Variants in SMPD3 observed in about 807,000 individuals in gnomAD.
The protein encoded by SMPD3 is sphingomyelin phosphodiesterase 3, also known as nSMase-2.
A neutral mutation model predicts 55.7 loss-of-function variants in SMPD3; 21 were observed. The ratio of observed to expected loss-of-function variants is 0.38; its 90% confidence interval spans 0.27 to 0.54. The LOEUF is 0.54. SMPD3 is among the 20% of genes least tolerant of loss of function. The pLI is 0.80. For synonymous variants in SMPD3, 457 were observed against 404.3 expected, an observed-to-expected ratio of 1.13 and a Z score of -1.56; for missense variants, 842 against 899.6, an observed-to-expected ratio of 0.94 and a Z score of 0.82.
intron 3 of SMPD3, among the ~76,000 whole-genome samples, chr16:68,367,094 G>C (rs2089503553): frequency 6.6e-6 from 1 of 152,158 alleles, no homozygotes; most frequent in South Asian, 2.1e-4. Flanking sequence ...CTTGGACCTG[G>C]GGGGCGGAGG....
chr16:68,378,775 C>G (rs929714021), intron 2 of SMPD3, among the ~76,000 whole-genome samples: 1 of 152,218 alleles, frequency 6.6e-6, no homozygotes. Flanking sequence ...TAAGCTCTCC[C>G]TGGAACCCTT....
intron 4 of SMPD3, 29 bp from the exon 5 acceptor site, chr16:68,364,935 G>T: frequency 6.2e-7 from 1 of 1,612,850 alleles, no homozygotes; most frequent in East Asian, 2.2e-5. Context: ...GAGACTGGAT[G>T]ATGAAGTTCG....
intron 8 of SMPD3, 80 bp from the exon 9 acceptor site, chr16:68,361,387 A>G (rs1202780596): frequency 2.7e-6 from 4 of 1,472,262 alleles, no homozygotes; most frequent in African/African-American, 1.4e-5. Flanking sequence ...GGGATCCCCA[A>G]AGTGAGGCCC....
rs2089278722 is a variant in SMPD3 at position 68,361,728 on chromosome 16, A to G, written c.1741T>C (p.Tyr581His). The G allele has an allele frequency of 1.2e-6, 2 of 1,612,526 alleles. No homozygotes were observed. Among genetic ancestry groups the G allele is most frequent in the Non-Finnish European group, 1.7e-6 (2 of 1,179,902 alleles). Residue 581 changes from tyrosine (Y) to histidine (H), a missense_variant, in exon 8 of 9, where the codon TAC (tyrosine) becomes CAC (histidine). Around this residue, in one of 2 missense-constraint regions of SMPD3, gnomAD observed 649 missense variants for 643.6 expected, o/e 1.01. Coordinates refer to ENST00000219334, the MANE Select transcript of SMPD3 (RefSeq NM_018667.4). ...VLESEEGRRE[Y>H]LAFPTSKSSG... is the part of the protein sequence containing the mutation. The stretch of plus-strand genomic sequence containing the variant: ...CTCTTGCTGGTGGGAAACGCCAGGT[A>G]CTCCCTGCGGCCCTCCTCACTCTCC...
At position 68,447,511 on chromosome 16, in the gene SMPD3, G is replaced by A. The variant is rs1008901565; in HGVS notation, c.-269+842C>T. ...GGAGATAAGGCCCAGGTGGGGAGAG[G>A]TGGGGAGGGGTCCCTCCTGTCCTCG... On this transcript the variant is annotated intron_variant, in intron 1 of 8. Coordinates refer to ENST00000219334, the MANE Select transcript of SMPD3 (RefSeq NM_018667.4). The surrounding 1 kb of genome is among the most constrained non-coding windows in gnomAD (Gnocchi z 5.1). 1.3e-5 allele frequency among the ~76,000 whole-genome samples: 2 copies of A among 152,022 alleles called. No individual in the cohort carries two copies. Among genetic ancestry groups the A allele is most frequent in the African/African-American group, 4.8e-5 (2 of 41,398 alleles).
At chr16:68,426,992 T>TG (rs1491427600) in intron 1 of SMPD3, among the ~76,000 whole-genome samples, 9 of 77,080 alleles carry the variant, frequency 1.2e-4, no homozygotes, top group African/African-American at 3.3e-4. Flanking sequence ...CAGGTCTATC[T>TG]TTTTTTTTTT....
At chr16:68,435,823 T>C (rs1001794799) in intron 1 of SMPD3, among the ~76,000 whole-genome samples, 2 of 152,234 alleles carry the variant, frequency 1.3e-5, no homozygotes, top group East Asian at 3.8e-4. Context: ...GTGTGTGCAC[T>C]GGTCAGTGCT....
intron 1 of SMPD3, among the ~76,000 whole-genome samples, chr16:68,428,845 T>C (rs1248361755): frequency 6.6e-6 from 1 of 152,130 alleles, no homozygotes; most frequent in Non-Finnish European, 1.5e-5. Flanking sequence ...CAGCAGCGTG[T>C]GCAGAGAGCC....
chr16:68,436,218 T>C lies in SMPD3; in HGVS notation c.-269+12135A>G, dbSNP rs1015826009. 2.0e-5 allele frequency among the ~76,000 whole-genome samples: 3 copies of C among 152,216 alleles called. No individual in the cohort carries two copies. In the South Asian group the frequency reaches 6.2e-4, roughly 32 times the overall value. The stretch of plus-strand genomic sequence containing the variant: ...AGGTGATATATCCAAGTTCATGCAA[T>C]AGAACAATCTGAATTCCTTACAGCA... On this transcript the variant is annotated intron_variant, in intron 1 of 8. Transcript: ENST00000219334.
chr16:68,393,608 G>A (rs1210285345), intron 1 of SMPD3, among the ~76,000 whole-genome samples: 1 of 152,182 alleles, frequency 6.6e-6, no homozygotes, highest in Non-Finnish European at 1.5e-5. Context: ...TCAGAGTTGA[G>A]GTCTGGATTG....
intron 1 of SMPD3, among the ~76,000 whole-genome samples, chr16:68,410,126 AGCT>A (rs1336187087): frequency 1.3e-5 from 2 of 152,202 alleles, no homozygotes; most frequent in African/African-American, 4.8e-5. Flanking sequence ...CCTTGTCTCC[AGCT>A]CCACCGCAAG....
rs186625812 is a variant in SMPD3, at chr16:68,447,599, G to C, written c.-269+754C>G. Among the ~76,000 whole-genome samples the C allele has an allele frequency of 6.6e-6, 1 of 152,184 alleles. No individual in the cohort carries two copies. The highest frequency in any genetic ancestry group is 6.5e-5 in the Admixed American group (1 of 15,304). ...CAACCCTCGGCGCGGGCCCGAGCGC[G>C]GGGGATTCCGAGTGTCAGTGCTTTC... On this transcript the variant is annotated intron_variant, in intron 1 of 8. Coordinates refer to ENST00000219334, the MANE Select transcript of SMPD3 (RefSeq NM_018667.4). The surrounding 1 kb of genome is among the most constrained non-coding windows in gnomAD (Gnocchi z 5.1).
chr16:68,399,811 C>T (rs1418522426), intron 1 of SMPD3, among the ~76,000 whole-genome samples: 1 of 152,212 alleles, frequency 6.6e-6, no homozygotes, highest in Admixed American at 6.5e-5. Flanking sequence ...GTGATCATGT[C>T]CAGAGAGGAG....
chr16:68,419,982 CTT>C (rs34861442), intron 1 of SMPD3, among the ~76,000 whole-genome samples: 100,414 of 140,160 alleles, frequency 0.72, 35,942 homozygotes, highest in East Asian at 0.86. Context: ...ATAGCTATTG[CTT>C]TTTTTTTTTT....
intron 7 of SMPD3, 39 bp from the exon 8 acceptor site, chr16:68,361,798 C>A: frequency 6.2e-7 from 1 of 1,602,402 alleles, no homozygotes; most frequent in Non-Finnish European, 8.5e-7. Flanking sequence ...CCCCCATGCC[C>A]GCCCCTGTGG....
At chr16:68,399,665 G>A (rs1031636781) in intron 1 of SMPD3, among the ~76,000 whole-genome samples, 4 of 152,180 alleles carry the variant, frequency 2.6e-5, no homozygotes, top group Non-Finnish European at 4.4e-5. Flanking sequence ...AAGAATGATG[G>A]TCAGACCCCC....
intron 5 of SMPD3, chr16:68,364,531 T>G: frequency 1.8e-6 from 1 of 568,230 alleles, no homozygotes; most frequent in Non-Finnish European, 3.0e-6. Flanking sequence ...CAGAGGTTCG[T>G]TTTTAGGGCA....
chr16:68,415,983 T>A (rs747413495), intron 1 of SMPD3, among the ~76,000 whole-genome samples: 20 of 152,194 alleles, frequency 1.3e-4, no homozygotes, highest in Non-Finnish European at 2.6e-4. Context: ...AATGATTGAT[T>A]ATCCATTAGG....
At chr16:68,442,451 G>A (rs1000511557) in intron 1 of SMPD3, among the ~76,000 whole-genome samples, 12 of 152,104 alleles carry the variant, frequency 7.9e-5, no homozygotes, top group African/African-American at 1.7e-4. Flanking sequence ...TGTGTTCCCC[G>A]TGCCCAGCGC....
Sources: gnomAD v4.1 joint callset for allele counts (sites outside exome capture counted in the v4.1 genomes callset) on GRCh38, gnomAD v4.1.1 for gene constraint, gnomAD v4.1.1 regional missense constraint, Gnocchi (gnomAD v3.1) non-coding constraint, MANE v1.5 for transcripts, NCBI Gene and HGNC (gene_info 2026-07-23, HGNC 2026-07-21) for gene names.